The following MAP1B variants were observed in gnomAD, a reference collection of about 807,000 sequenced individuals.
The protein encoded by MAP1B is microtubule-associated protein 1B.
MAP1B carries 12 observed loss-of-function variants against 176.1 expected under a neutral mutation model. That is an observed-to-expected ratio of 0.07 (90% confidence interval 0.04 to 0.11). The LOEUF is 0.11. Among genes scored for constraint, MAP1B ranks in the 10% least tolerant of loss-of-function variants. The pLI, the probability that MAP1B is intolerant of heterozygous loss-of-function variation, is 1.00. For synonymous variants in MAP1B, 1,044 were observed against 1,135.0 expected (o/e 0.92, Z 1.61); for missense variants, 2,523 against 2,990.5 (o/e 0.84, Z 3.65).
chr5:72,180,017 C>T (rs1746733101), intron 2 of MAP1B: 1 of 752,972 alleles, frequency 1.3e-6, no homozygotes, highest in Non-Finnish European at 1.6e-6. Flanking sequence ...GCCACCTCGG[C>T]AGCAGGCGAG....
chr5:72,193,342 CTTTT>C (rs67199223), intron 4 of MAP1B: 1,356 of 215,314 alleles, frequency 6.3e-3, no homozygotes, highest in South Asian at 0.011. Context: ...TCCATCAGGC[CTTTT>C]TTTTTTTTTT....
intron 2 of MAP1B, among the ~76,000 whole-genome samples, chr5:72,178,725 G>GGTGGGTGT: frequency 7.1e-6 from 1 of 140,506 alleles, no homozygotes; most frequent in Admixed American, 7.1e-5. Context: ...GCCTCTGAGG[G>GGTGGGTGT]GTGTGTGTGT....
chr5:72,116,536 C>G (rs1323489116), intron 2 of MAP1B: 1 of 341,434 alleles, frequency 2.9e-6, no homozygotes, highest in Non-Finnish European at 5.5e-6. Context: ...ACCCATGCCT[C>G]TGGCGCTGGA....
chr5:72,157,144 T>C (rs1279701254), intron 2 of MAP1B, among the ~76,000 whole-genome samples: 1 of 152,230 alleles, frequency 6.6e-6, no homozygotes, highest in East Asian at 1.9e-4. Context: ...TCACTGACTT[T>C]AATTGTAACC....
chr5:72,198,685 A>C lies in MAP1B; in HGVS notation c.5330A>C (p.Lys1777Thr), dbSNP rs1747246057. ...SEKVQSLEGEKLSPKSDISPL... is the reference protein window; with the variant it reads ...SEKVQSLEGETLSPKSDISPL... ...AAAGTGCAAAGTCTGGAAGGAGAGA[A>C]GCTCTCTCCAAAATCTGATATCTCT... Residue 1777 changes from lysine to threonine, a missense_variant, in exon 5 of 7, where the codon AAG becomes ACG. By Grantham distance (78) the Lys-to-Thr change is moderately conservative. Coordinates refer to ENST00000296755, the MANE Select transcript of MAP1B (RefSeq NM_005909.5). The C allele has an allele frequency of 6.2e-7, 1 of 1,614,174 alleles. No homozygotes were observed. The highest frequency in any genetic ancestry group is 2.2e-5 in the East Asian group (1 of 44,888).
At chr5:72,200,932 A>G (rs1194903756) in intron 5 of MAP1B, among the ~76,000 whole-genome samples, 1 of 152,228 alleles carries the variant, frequency 6.6e-6, no homozygotes, top group African/African-American at 2.4e-5. Context: ...TTTTCTTATC[A>G]GCCAAAAAAT....
rs1287581491 is a variant in MAP1B at position 72,200,241 on chromosome 5, G to A, written c.6886G>A (p.Val2296Met). The change falls in exon 5 of 7, where the codon GTG becomes ATG. Residue 2296 changes from valine (V) to methionine (M), a missense_variant. Val to Met is a conservative substitution (Grantham distance 21). Transcript: ENST00000296755. ...GGCTTCTCCTAAGAAGAAAGAATCT[G>A]TGGAAAAGGCAGCAAAACCCACCAC... ...RVASPKKKESVEKAAKPTTTP... is the reference protein window; with the variant it reads ...RVASPKKKESMEKAAKPTTTP... The A allele has an allele frequency of 6.2e-7, 1 of 1,614,208 alleles. No homozygotes were observed. The highest frequency in any genetic ancestry group is 8.5e-7 in the Non-Finnish European group (1 of 1,180,040).
intron 2 of MAP1B, among the ~76,000 whole-genome samples, chr5:72,119,965 C>A (rs996236290): frequency 6.6e-6 from 1 of 152,118 alleles, no homozygotes; most frequent in Admixed American, 6.5e-5. Flanking sequence ...GCTTACCATG[C>A]TGTACAGGGT....
At chr5:72,141,057 G>T (rs1018930065) in intron 2 of MAP1B, among the ~76,000 whole-genome samples, 2 of 152,120 alleles carry the variant, frequency 1.3e-5, no homozygotes, top group African/African-American at 4.8e-5. Flanking sequence ...GCTTTTTTTG[G>T]TGTCTGTGTC....
chr5:72,144,546 A>G (rs1746011501), intron 2 of MAP1B, among the ~76,000 whole-genome samples: 1 of 152,086 alleles, frequency 6.6e-6, no homozygotes. Flanking sequence ...GGTGTCCACC[A>G]TCACGCCCAG....
At chr5:72,185,831 A>G (rs1746885781) in intron 3 of MAP1B, among the ~76,000 whole-genome samples, 1 of 152,132 alleles carries the variant, frequency 6.6e-6, no homozygotes, top group African/African-American at 2.4e-5. Context: ...TCCTCCCCTC[A>G]GTGCCTAACA....
intron 2 of MAP1B, among the ~76,000 whole-genome samples, chr5:72,122,845 C>G (rs988401218): frequency 6.6e-6 from 1 of 152,056 alleles, no homozygotes; most frequent in Non-Finnish European, 1.5e-5. Flanking sequence ...AAGTGCGTTC[C>G]ACGACAGCTG....
Position 72,107,525 on chromosome 5 carries a change from C to A in MAP1B, c.-7C>A. ...AGACACTTCGCCGAGGCACAGCAGC[C>A]GGCAGGATGGCGACCGTGGTGGTGG... On this transcript the variant is annotated 5_prime_UTR_variant, in exon 1 of 7. Coordinates refer to ENST00000296755, the MANE Select transcript of MAP1B (RefSeq NM_005909.5). The A allele has an allele frequency of 6.4e-7, 1 of 1,556,338 alleles. No homozygotes were observed. The highest frequency in any genetic ancestry group is 1.2e-5 in the South Asian group (1 of 85,978).
intron 2 of MAP1B, among the ~76,000 whole-genome samples, chr5:72,127,664 C>T (rs1422262371): frequency 6.6e-6 from 1 of 151,882 alleles, no homozygotes; most frequent in Non-Finnish European, 1.5e-5. Flanking sequence ...ACAAAGCTTA[C>T]CAAGTATTCT....
At chr5:72,114,181 T>C (rs1281931991) in intron 1 of MAP1B, among the ~76,000 whole-genome samples, 1 of 152,234 alleles carries the variant, frequency 6.6e-6, no homozygotes, top group Non-Finnish European at 1.5e-5. Context: ...AATCTAAAGA[T>C]ATTTTAGATG....
chr5:72,179,636 G>A, intron 2 of MAP1B: 8 of 985,502 alleles, frequency 8.1e-6, no homozygotes, highest in Non-Finnish European at 9.6e-6. Context: ...CCAGATGCTG[G>A]GGCGGCCCAG....
chr5:72,194,831 C>G lies in MAP1B; in HGVS notation c.1476C>G (p.Asn492Lys). 6 of 1,614,184 alleles carry G rather than the reference C, an allele frequency of 3.7e-6. No individual in the cohort carries two copies. The highest frequency in any genetic ancestry group is 5.1e-6 in the Non-Finnish European group (6 of 1,180,038). Residue 492 changes from asparagine (N) to lysine (K), a missense_variant, in exon 5 of 7, where the codon AAC becomes AAG. Asn to Lys is a moderately conservative substitution (Grantham distance 94, BLOSUM62 0). Coordinates refer to ENST00000296755, the MANE Select transcript of MAP1B (RefSeq NM_005909.5). This position sits in a 1 kb window ranked among gnomAD's most constrained non-coding sequence, Gnocchi z 7.2. Reference sequence around the variant, plus strand: ...TCATCCGAGTCCTGTTTCCTGGGAACAGCACCCAGTACAACATCCTGGAAG... The same window carrying G: ...TCATCCGAGTCCTGTTTCCTGGGAAGAGCACCCAGTACAACATCCTGGAAG... Reference protein sequence around the residue: ...EKIIRVLFPGNSTQYNILEGL... With the variant: ...EKIIRVLFPGKSTQYNILEGL...
At position 72,199,072 on chromosome 5, in the gene MAP1B, A is replaced by G. The variant is rs769496134; in HGVS notation, c.5717A>G (p.Tyr1906Cys). ...ACCTCAGATGTGGGTGGCTATTACT[A>G]TGAGAAGATAGAGAGAACCACAAAA... ...TRTSDVGGYY[Y>C]EKIERTTKSP... Residue 1906 changes from tyrosine to cysteine, a missense_variant, in exon 5 of 7, where the codon TAT becomes TGT. Physicochemically the swap from Tyr to Cys is radical, Grantham distance 194. Around this residue, in one of 4 missense-constraint regions of MAP1B, gnomAD observed 1,925 missense variants for 2,126.0 expected, o/e 0.91. Transcript: ENST00000296755. The surrounding 1 kb of genome is among the most constrained non-coding windows in gnomAD (Gnocchi z 4.2). 23 of 1,614,118 alleles carry G rather than the reference A, an allele frequency of 1.4e-5. No individual in the cohort carries two copies. The highest frequency in any genetic ancestry group is 1.9e-5 in the Non-Finnish European group (22 of 1,179,994).
rs1435401793 is a variant in MAP1B, at chr5:72,207,669, T to G, written c.*2430T>G. On this transcript the variant is annotated 3_prime_UTR_variant, in exon 7 of 7. Transcript: ENST00000296755. ...GAGTATAAACTCATCTACTTCAAAT[T>G]TATTTTATAACACAACCTAAGATAC... 2 of 152,160 alleles carry G rather than the reference T, an allele frequency of 1.3e-5. No homozygotes were observed. The highest frequency in any genetic ancestry group is 6.5e-5 in the Admixed American group (1 of 15,268). The allele number at this position is 152,160 out of a possible 1,614,324, so 9.4% of individuals were successfully genotyped here.
Sources: allele counts gnomAD v4.1 joint callset (sites outside exome capture counted in the v4.1 genomes callset), GRCh38; gene constraint gnomAD v4.1.1; regional missense constraint gnomAD v4.1.1; non-coding constraint Gnocchi (gnomAD v3.1); transcripts MANE v1.5; gene names NCBI Gene and HGNC (gene_info 2026-07-23, HGNC 2026-07-21).